The following RBM26 variants were observed in gnomAD, a reference collection of about 807,000 sequenced individuals.
The protein encoded by RBM26 is RNA binding motif protein 26.
Under a neutral mutation model 123.6 loss-of-function variants are expected in RBM26, and 30 were observed. The observed-to-expected ratio is 0.24, with a 90% CI of 0.18 to 0.33. RBM26 has a LOEUF of 0.33. Ranked by LOEUF, RBM26 falls within the 10% of genes least tolerant of loss-of-function variation. The pLI, the probability that RBM26 is intolerant of heterozygous loss-of-function variation, is 1.00. For synonymous variants in RBM26, 400 were observed against 404.4 expected (o/e 0.99, Z 0.13); for missense variants, 947 against 1,203.6 (o/e 0.79, Z 3.15).
rs968964142 is a variant in RBM26 at position 79,379,006 on chromosome 13, TA to T, written c.72-100del. ...TAGTGAGAATAATAGTTAAGTGAGT[TA>T]ATACATGTAAAAAGCACCCGGGTCA... On this transcript the variant is annotated intron_variant, in intron 1 of 21. Transcript: ENST00000438737. The T allele has an allele frequency of 4.0e-6, 3 of 752,360 alleles. No individual in the cohort carries two copies. The African/African-American group carries it at 5.3e-5, about 13-fold the overall frequency. The allele number at this position is 752,360 out of a possible 1,614,324, so 46.6% of individuals were successfully genotyped here.
chr13:79,334,449 G>GT lies in RBM26; in HGVS notation c.2734-20dup, dbSNP rs751815379. The GT allele has an allele frequency of 6.9e-6, 9 of 1,313,604 alleles. No individual in the cohort carries two copies. In the South Asian group the frequency reaches 1.1e-4, roughly 16 times the overall value. 81.4% of individuals were successfully genotyped at this position (1,313,604 alleles called of 1,614,324 possible). A position where few individuals can be genotyped will look rare whatever the true frequency, so the allele number is the denominator to read the frequency against. On this transcript the variant is annotated intron_variant, in intron 19 of 21. Coordinates refer to ENST00000438737, the MANE Select transcript of RBM26 (RefSeq NM_001366735.2). ...CATATTGCTTTAAATTAAAAAAAAA[G>GT]TATTTCCTCCAAATAAATATTTTGA...
chr13:79,345,376 A>T (rs958538212), intron 14 of RBM26, among the ~76,000 whole-genome samples: 1 of 151,860 alleles, frequency 6.6e-6, no homozygotes, highest in African/African-American at 2.4e-5. Flanking sequence ...CTAGGTCCTT[A>T]TATGAAATTT....
At chr13:79,352,153 T>C (rs1475607419) in intron 14 of RBM26, among the ~76,000 whole-genome samples, 1 of 152,094 alleles carries the variant, frequency 6.6e-6, no homozygotes, top group Non-Finnish European at 1.5e-5. Flanking sequence ...ACTGCCAAAG[T>C]TTAACATTGT....
intron 9 of RBM26, among the ~76,000 whole-genome samples, chr13:79,363,650 A>G (rs1402015750): frequency 2.0e-5 from 3 of 152,212 alleles, no homozygotes; most frequent in Admixed American, 1.3e-4. Flanking sequence ...TTCTCTCTCA[A>G]CAGGATCACT....
intron 6 of RBM26, 52 bp from the exon 7 acceptor site, chr13:79,366,924 A>T (rs577306754): frequency 7.0e-7 from 1 of 1,432,152 alleles, no homozygotes; most frequent in African/African-American, 1.4e-5. Context: ...GGAAATATAT[A>T]TTTTCTCTAA....
intron 9 of RBM26, 122 bp from the exon 10 acceptor site, chr13:79,359,808 AATTTT>A (rs2074461027): frequency 1.0e-5 from 2 of 197,022 alleles, no homozygotes; most frequent in Non-Finnish European, 1.0e-5. Flanking sequence ...ATATATATAT[AATTTT>A]TTTTTTAGAA....
intron 14 of RBM26, among the ~76,000 whole-genome samples, chr13:79,346,098 C>G (rs902909113): frequency 6.6e-6 from 1 of 152,088 alleles, no homozygotes; most frequent in Non-Finnish European, 1.5e-5. Flanking sequence ...AAGAACTACT[C>G]AAGTTTAAGA....
intron 14 of RBM26, among the ~76,000 whole-genome samples, chr13:79,347,463 C>G (rs1473588630): frequency 6.6e-6 from 1 of 152,044 alleles, no homozygotes; most frequent in African/African-American, 2.4e-5. Context: ...GTAAGAGACA[C>G]ATGTATTTTC....
At chr13:79,371,974 T>A (rs766967155) in intron 3 of RBM26, 44 bp from the exon 4 acceptor site, 1 of 1,330,908 alleles carries the variant, frequency 7.5e-7, no homozygotes, top group Non-Finnish European at 1.1e-6. Flanking sequence ...TAGTAATTAT[T>A]CCACTGTTAA....
Position 79,377,233 on chromosome 13 carries a change from G to A in RBM26, c.327+146C>T. 2 of 602,402 alleles carry A rather than the reference G, an allele frequency of 3.3e-6. 1 individual carries two copies. Among genetic ancestry groups the A allele is most frequent in the South Asian group, 5.0e-5 (2 of 40,040 alleles). The allele number at this position is 602,402 out of a possible 1,614,324, so 37.3% of individuals were successfully genotyped here. The stretch of plus-strand genomic sequence containing the variant: ...AGGGCCATAAGCACAATTATATGCA[G>A]AGTCCTATGAGTCCTCCTAGAAAAA... On this transcript the variant is annotated intron_variant, in intron 3 of 21. Coordinates refer to ENST00000438737, the MANE Select transcript of RBM26 (RefSeq NM_001366735.2).
chr13:79,356,315 AC>A lies in RBM26; in HGVS notation c.1690-932del, dbSNP rs1445864512. 2.1e-5 allele frequency among the ~76,000 whole-genome samples: 3 copies of A among 140,882 alleles called. No individual in the cohort carries two copies. In the Admixed American group the frequency reaches 2.4e-4, roughly 11 times the overall value. 92.4% of individuals were successfully genotyped at this position (140,882 alleles called of 152,430 possible). On this transcript the variant is annotated intron_variant, in intron 11 of 21. Transcript: ENST00000438737. ...GCCCAGGAGGTCGAGGCTACAAAGA[AC>A]CGTAATCATGCCACCTCACTCTGGC... is the stretch of plus-strand genomic sequence containing the variant.
At chr13:79,380,849 C>T (rs1433520607) in intron 1 of RBM26, among the ~76,000 whole-genome samples, 2 of 152,028 alleles carry the variant, frequency 1.3e-5, no homozygotes, top group Non-Finnish European at 2.9e-5. Flanking sequence ...ATTTAGCTCC[C>T]ATATATGAGT....
chr13:79,312,755 C>T (rs76451456), exon 5 of RBM26: 17 of 110,520 alleles, frequency 1.5e-4, no homozygotes, highest in Non-Finnish European at 2.6e-4. Context: ...TTCTAATGGG[C>T]TGGGCTCTCT....
chr13:79,399,733 G>C (rs2078901149), intron 1 of RBM26, among the ~76,000 whole-genome samples: 1 of 152,114 alleles, frequency 6.6e-6, no homozygotes, highest in South Asian at 2.1e-4. Context: ...CAATCATTTA[G>C]ATACGGAGTG....
intron 9 of RBM26, among the ~76,000 whole-genome samples, chr13:79,361,774 G>C (rs2074715289): frequency 6.6e-6 from 1 of 152,052 alleles, no homozygotes; most frequent in African/African-American, 2.4e-5. Flanking sequence ...CTTTGATGCT[G>C]ACATTTGTCA....
At position 79,320,129 on chromosome 13, in the gene RBM26, T is replaced by C. The variant is rs2067520218; in HGVS notation, c.*492A>G. ...CATACACAGTCCAACAAAAGGCTAA[T>C]ACATAGTAAAGCCTAAGCATACTAC... On this transcript the variant is annotated 3_prime_UTR_variant, in exon 22 of 22. Coordinates refer to ENST00000438737, the MANE Select transcript of RBM26 (RefSeq NM_001366735.2). 3.1e-6 allele frequency: 3 copies of C among 966,082 alleles called. No homozygotes were observed. The South Asian group carries it at 1.4e-4, about 46-fold the overall frequency. 59.8% of individuals were successfully genotyped at this position (966,082 alleles called of 1,614,324 possible). A position where few individuals can be genotyped will look rare whatever the true frequency, so the allele number is the denominator to read the frequency against.
At chr13:79,314,723 G>A (rs2067003293), downstream of RBM26, 1 of 204,900 alleles carries the variant, frequency 4.9e-6, no homozygotes, top group Admixed American at 5.6e-5. Context: ...TTCTTAAGGT[G>A]TTTAAAAAAT....
rs748726800 is a variant in RBM26, at chr13:79,334,466, A to G, written c.2734-36T>C. ...AAAAAAAAGTATTTCCTCCAAATAAATATTTTGAAATATCCAAAAATCCTA... is the reference window on the plus strand; with the variant it reads ...AAAAAAAAGTATTTCCTCCAAATAAGTATTTTGAAATATCCAAAAATCCTA... On this transcript the variant is annotated intron_variant, in intron 19 of 21. Coordinates refer to ENST00000438737, the MANE Select transcript of RBM26 (RefSeq NM_001366735.2). 2.1e-5 allele frequency: 24 copies of G among 1,154,244 alleles called. No individual in the cohort carries two copies. In the South Asian group the frequency reaches 3.5e-4, roughly 17 times the overall value. 71.5% of individuals were successfully genotyped at this position (1,154,244 alleles called of 1,614,324 possible).
intron 9 of RBM26, among the ~76,000 whole-genome samples, chr13:79,363,897 T>C (rs2139808586): frequency 6.6e-6 from 1 of 152,234 alleles, no homozygotes; most frequent in South Asian, 2.1e-4. Flanking sequence ...TTAATTGAAG[T>C]GGAAATTCCC....
Sources: allele counts gnomAD v4.1 joint callset (sites outside exome capture counted in the v4.1 genomes callset), GRCh38; gene constraint gnomAD v4.1.1; transcripts MANE v1.5; gene names NCBI Gene and HGNC (gene_info 2026-07-23, HGNC 2026-07-21).